The following SDC4 variants were observed in gnomAD, a reference collection of about 807,000 sequenced individuals.
The protein encoded by SDC4 is syndecan-4.
SDC4 carries 17 observed loss-of-function variants against 20.5 expected under a neutral mutation model. The observed-to-expected ratio is 0.83, with a 90% CI of 0.57 to 1.25. The LOEUF (loss-of-function observed/expected upper bound fraction) is 1.25, where lower values mean the gene tolerates loss of function less well. SDC4 is among the 50% of genes most tolerant of loss of function. SDC4 has a pLI of 0.00. For missense variants in SDC4, 241 were observed against 252.3 expected (o/e 0.96, Z 0.30); for synonymous variants, 107 against 105.3 (o/e 1.02, Z -0.10).
At chr20:45,328,307 T>C (rs1987725610) in intron 4 of SDC4, among the ~76,000 whole-genome samples, 1 of 152,226 alleles carries the variant, frequency 6.6e-6, no homozygotes, top group African/African-American at 2.4e-5. Flanking sequence ...GCAAGTTTCC[T>C]TCATCTCCCT....
rs1367195919 is a variant in SDC4 at position 45,329,416 on chromosome 20, C to CTT, written c.445+948_445+949dup. On this transcript the variant is annotated intron_variant, in intron 4 of 4. Transcript: ENST00000372733. ...GCAAAACCTTATGCAAATCCAAAGT[C>CTT]TTATGCAAATCTTTTTACTTCTGAA... 3.3e-5 allele frequency among the ~76,000 whole-genome samples: 5 copies of CTT among 152,290 alleles called. No individual in the cohort carries two copies. The East Asian group carries it at 9.6e-4, about 29-fold the overall frequency.
intron 1 of SDC4, chr20:45,344,994 C>A (rs984100574): frequency 1.3e-5 from 2 of 152,172 alleles, no homozygotes; most frequent in Non-Finnish European, 2.9e-5. Flanking sequence ...CTGGTTCTGA[C>A]CTTAGGAAGC....
At chr20:45,340,185 T>C (rs746136819) in intron 1 of SDC4, among the ~76,000 whole-genome samples, 57 of 152,124 alleles carry the variant, frequency 3.7e-4, no homozygotes, top group Non-Finnish European at 6.9e-4. Flanking sequence ...CCCAACCCTA[T>C]CCCCAAATCC....
chr20:45,344,709 G>A (rs1439222030), intron 1 of SDC4, among the ~76,000 whole-genome samples: 5 of 152,274 alleles, frequency 3.3e-5, no homozygotes, highest in South Asian at 2.1e-4. Context: ...TTCTGAGACT[G>A]GGATTTGTTT....
intron 1 of SDC4, among the ~76,000 whole-genome samples, chr20:45,336,305 C>T (rs1382498306): frequency 6.6e-6 from 1 of 152,096 alleles, no homozygotes; most frequent in Non-Finnish European, 1.5e-5. Flanking sequence ...CCCAGCTACT[C>T]GGGAGGCTGA....
Position 45,342,258 on chromosome 20 carries a change from C to T in SDC4, c.60+6067G>A, listed in dbSNP as rs145071999. On this transcript the variant is annotated intron_variant, in intron 1 of 4. Coordinates refer to ENST00000372733, the MANE Select transcript of SDC4 (RefSeq NM_002999.4). ...TGGCTTCCTGCCTCTTCCCAGCCTC[C>T]CTCACCGACCCCCAAGGAAGCCATC... 4.1e-3 allele frequency among the ~76,000 whole-genome samples: 630 copies of T among 152,278 alleles called. 1 individual carries two copies. The highest frequency in any genetic ancestry group is 0.014 in the African/African-American group (601 of 41,544).
chr20:45,343,470 C>T (rs1189498267), intron 1 of SDC4, among the ~76,000 whole-genome samples: 1 of 152,186 alleles, frequency 6.6e-6, no homozygotes, highest in Non-Finnish European at 1.5e-5. Flanking sequence ...ACCCCCTGCC[C>T]CCTCTCCCTC....
chr20:45,347,089 G>A (rs1988042720), intron 1 of SDC4, among the ~76,000 whole-genome samples: 1 of 152,120 alleles, frequency 6.6e-6, no homozygotes, highest in Non-Finnish European at 1.5e-5. Context: ...AGCAATGTCT[G>A]GCCCCCCGAC....
At chr20:45,327,483 T>C in intron 4 of SDC4, 68 bp from the exon 5 acceptor site, 1 of 1,504,966 alleles carries the variant, frequency 6.6e-7, no homozygotes, top group South Asian at 1.3e-5. Context: ...TGAACCCCTC[T>C]TTCCCCCACT....
intron 1 of SDC4, among the ~76,000 whole-genome samples, chr20:45,343,576 G>A (rs906873058): frequency 6.6e-6 from 1 of 152,126 alleles, no homozygotes; most frequent in Non-Finnish European, 1.5e-5. Context: ...AAACCCATTC[G>A]ATAATTAGCA....
chr20:45,325,803 G>A lies in SDC4; in HGVS notation c.*1461C>T, dbSNP rs1021028412. On this transcript the variant is annotated 3_prime_UTR_variant, in exon 5 of 5. Coordinates refer to ENST00000372733, the MANE Select transcript of SDC4 (RefSeq NM_002999.4). ...CTCTAGAAACGTGGTTAGTGCAACT[G>A]AGGAAGGAATTTTTAATCTTATGTG... 1 of 152,374 alleles carries A rather than the reference G, an allele frequency of 6.6e-6. No individual in the cohort carries two copies. Among genetic ancestry groups the A allele is most frequent in the African/African-American group, 2.4e-5 (1 of 41,456 alleles). The allele number at this position is 152,374 out of a possible 1,614,324, so 9.4% of individuals were successfully genotyped here.
intron 4 of SDC4, among the ~76,000 whole-genome samples, chr20:45,329,315 T>TAAGA (rs1200706958): frequency 3.9e-5 from 6 of 152,248 alleles, no homozygotes; most frequent in African/African-American, 1.4e-4. Flanking sequence ...TCCCCATGTA[T>TAAGA]AAGAAGCAGG....
intron 2 of SDC4, among the ~76,000 whole-genome samples, chr20:45,335,201 AG>A (rs1246709955): frequency 6.7e-6 from 1 of 149,420 alleles, no homozygotes; most frequent in Non-Finnish European, 1.5e-5. Context: ...GTTTTGAGAC[AG>A]GGTCTCACTC....
In SDC4 at chr20:45,348,380, G is replaced by C. The variant is rs200474606; in HGVS notation, c.5C>G (p.Ala2Gly). The part of the protein sequence containing the change: M[A>G]PARLFALLLF... ...CAGCAGCGCGAACAGACGGGCGGGG[G>C]CCATGGCACCGCGGACTGGAGAAGG... Residue 2 changes from alanine (A) to glycine (G), a missense_variant, in exon 1 of 5, where the codon GCC (alanine) becomes GGC (glycine). Ala to Gly is a moderately conservative substitution (Grantham distance 60). Coordinates refer to ENST00000372733, the MANE Select transcript of SDC4 (RefSeq NM_002999.4). 1 of 1,578,772 alleles carries C rather than the reference G, an allele frequency of 6.3e-7. No homozygotes were observed. Among genetic ancestry groups the C allele is most frequent in the Admixed American group, 1.8e-5 (1 of 55,814 alleles).
intron 1 of SDC4, among the ~76,000 whole-genome samples, chr20:45,343,501 A>T (rs918249051): frequency 6.6e-6 from 1 of 152,202 alleles, no homozygotes; most frequent in Non-Finnish European, 1.5e-5. Flanking sequence ...ACTGTTCAGC[A>T]TGAGGCTCCA....
At chr20:45,337,583 A>G (rs192691692) in intron 1 of SDC4, among the ~76,000 whole-genome samples, 6 of 152,350 alleles carry the variant, frequency 3.9e-5, no homozygotes, top group Admixed American at 1.3e-4. Flanking sequence ...CACTCAGCTG[A>G]GACTGCCATT....
Position 45,348,340 on chromosome 20 carries a change from G to A in SDC4, c.45C>T (p.Gly15=), listed in dbSNP as rs1335066942. 1.9e-6 allele frequency: 3 copies of A among 1,590,242 alleles called. No individual in the cohort carries two copies. The highest frequency in any genetic ancestry group is 2.7e-5 in the African/African-American group (2 of 73,982). Residue 15 remains glycine, a synonymous_variant, in exon 1 of 5, where the codon GGC becomes GGT. Coordinates refer to ENST00000372733, the MANE Select transcript of SDC4 (RefSeq NM_002999.4). The stretch of plus-strand genomic sequence containing the variant: ...AAGCACCCACCGACTCGGCGACTCC[G>A]CCTACGAAGAACAGCAGCAGCGCGA... ...RLFALLLFFV[G]GVAESIRETE...
intron 3 of SDC4, among the ~76,000 whole-genome samples, chr20:45,332,529 G>A (rs915944723): frequency 1.3e-5 from 2 of 152,118 alleles, no homozygotes; most frequent in African/African-American, 4.8e-5. Flanking sequence ...TGGTGTTGAC[G>A]GTGACTATCC....
At position 45,327,213 on chromosome 20, in the gene SDC4, C is replaced by A. The variant is rs376572836; in HGVS notation, c.*51G>T. On this transcript the variant is annotated 3_prime_UTR_variant, in exon 5 of 5. Coordinates refer to ENST00000372733, the MANE Select transcript of SDC4 (RefSeq NM_002999.4). Reference sequence around the variant, plus strand: ...TACCCTAATGTCCACCCTTCAAAATCCCCTGGCTTCCCTCCCCGCTAAAGT... The same window carrying A: ...TACCCTAATGTCCACCCTTCAAAATACCCTGGCTTCCCTCCCCGCTAAAGT... 339 of 1,607,222 alleles carry A rather than the reference C, an allele frequency of 2.1e-4. No individual in the cohort carries two copies. Among genetic ancestry groups the A allele is most frequent in the Non-Finnish European group, 2.8e-4 (333 of 1,175,224 alleles).
Sources: gnomAD v4.1 joint callset for allele counts (sites outside exome capture counted in the v4.1 genomes callset) on GRCh38, gnomAD v4.1.1 for gene constraint, MANE v1.5 for transcripts, NCBI Gene and HGNC (gene_info 2026-07-23, HGNC 2026-07-21) for gene names.